SGCZ: variants seen among roughly 807,000 people sequenced by gnomAD.
The protein encoded by SGCZ is zeta-sarcoglycan.
SGCZ carries 40 observed loss-of-function variants against 41.3 expected under a neutral mutation model. The observed-to-expected ratio is 0.97, with a 90% confidence interval of 0.75 to 1.26. The LOEUF is 1.26. Among genes scored for constraint, SGCZ ranks in the 50% most tolerant of loss-of-function variants. SGCZ has a pLI of 0.00. For synonymous variants in SGCZ, 206 were observed against 137.5 expected, an observed-to-expected ratio of 1.50 and a Z score of -3.49; for missense variants, 552 against 369.8, an observed-to-expected ratio of 1.49 and a Z score of -4.04.
chr8:14,857,761 G>T (rs531938556), intron 1 of SGCZ, among the ~76,000 whole-genome samples: 1 of 152,256 alleles, frequency 6.6e-6, no homozygotes, highest in South Asian at 2.1e-4. Flanking sequence ...ACCTACTTGG[G>T]AGGCTCAGGC....
At chr8:14,632,915 A>G (rs1422572265) in intron 1 of SGCZ, among the ~76,000 whole-genome samples, 1 of 152,044 alleles carries the variant, frequency 6.6e-6, no homozygotes, top group African/African-American at 2.4e-5. Flanking sequence ...AATGATCACT[A>G]TGTAAGCAAA....
chr8:14,280,163 G>C (rs987235549), intron 3 of SGCZ, among the ~76,000 whole-genome samples: 2 of 151,818 alleles, frequency 1.3e-5, no homozygotes, highest in African/African-American at 4.8e-5. Context: ...TTCCATCACT[G>C]TCAATTATAA....
chr8:14,607,760 A>G (rs997057233), intron 1 of SGCZ, among the ~76,000 whole-genome samples: 1 of 152,248 alleles, frequency 6.6e-6, no homozygotes, highest in African/African-American at 2.4e-5. Flanking sequence ...CAAGGTTTTC[A>G]GCTCCTCTGG....
In SGCZ at chr8:14,424,346, A is replaced by G. The variant is rs142587840; in HGVS notation, c.235-100142T>C. 5.8e-3 allele frequency among the ~76,000 whole-genome samples: 878 copies of G among 152,260 alleles called. 11 individuals are homozygous for G. The highest frequency in any genetic ancestry group is 0.02 in the African/African-American group (812 of 41,558). ...CAAGTATTATGGATTAAAAAACACA[A>G]TATATCCAAAGCTTTCAAAGAGGTG... is the stretch of plus-strand genomic sequence containing the variant. On this transcript the variant is annotated intron_variant, in intron 2 of 7. Transcript: ENST00000382080.
chr8:14,627,718 G>A (rs770004336), intron 1 of SGCZ, among the ~76,000 whole-genome samples: 1 of 151,396 alleles, frequency 6.6e-6, no homozygotes, highest in Non-Finnish European at 1.5e-5. Context: ...GATCTGTATA[G>A]GAAAAACATA....
chr8:14,375,572 AT>A, intron 2 of SGCZ, among the ~76,000 whole-genome samples: 1 of 152,312 alleles, frequency 6.6e-6, no homozygotes, highest in Middle Eastern at 3.4e-3. Context: ...TAATAACAGA[AT>A]TTTTAAAAGA....
At chr8:15,156,944 C>CAAAAAAA (rs1204736250) in intron 1 of SGCZ, among the ~76,000 whole-genome samples, 4 of 89,906 alleles carry the variant, frequency 4.4e-5, no homozygotes, top group South Asian at 3.3e-4. Flanking sequence ...AACTCTGTCT[C>CAAAAAAA]AAAAAAAAAA....
At chr8:14,104,718 C>T (rs950608003) in intron 6 of SGCZ, among the ~76,000 whole-genome samples, 1 of 151,906 alleles carries the variant, frequency 6.6e-6, no homozygotes, top group Admixed American at 6.6e-5. Flanking sequence ...GAGTTTTTTT[C>T]CTTGAATATA....
At chr8:14,605,984 A>AG (rs36122313) in intron 1 of SGCZ, among the ~76,000 whole-genome samples, 24,017 of 152,078 alleles carry the variant, frequency 0.16, 2,340 homozygotes, top group Non-Finnish European at 0.21. Flanking sequence ...ATAATATGCC[A>AG]AAAACTGATA....
chr8:14,650,109 G>A (rs1445749918), intron 1 of SGCZ, among the ~76,000 whole-genome samples: 8 of 152,120 alleles, frequency 5.3e-5, no homozygotes, highest in Non-Finnish European at 8.8e-5. Flanking sequence ...AGACATAGAC[G>A]CAATTTAAAA....
intron 4 of SGCZ, among the ~76,000 whole-genome samples, chr8:14,194,705 T>C (rs554205318): frequency 3.0e-4 from 46 of 152,126 alleles, no homozygotes; most frequent in African/African-American, 1.1e-3. Context: ...TTCAAGACAT[T>C]GAACATCAGT....
At chr8:14,948,458 C>G (rs1034223046) in intron 1 of SGCZ, among the ~76,000 whole-genome samples, 3 of 149,184 alleles carry the variant, frequency 2.0e-5, no homozygotes, top group South Asian at 2.2e-4. Context: ...TCACACTCAT[C>G]TGTCTTATCT....
At chr8:14,376,286 G>A (rs924996992) in intron 2 of SGCZ, among the ~76,000 whole-genome samples, 1 of 151,834 alleles carries the variant, frequency 6.6e-6, no homozygotes, top group Non-Finnish European at 1.5e-5. Context: ...ACTCTAGCCT[G>A]GGCAACAGAG....
intron 1 of SGCZ, among the ~76,000 whole-genome samples, chr8:14,855,569 C>A (rs994841327): frequency 1.3e-5 from 2 of 152,130 alleles, no homozygotes. Context: ...CTAGGCATCC[C>A]TTCTAGCCAC....
intron 1 of SGCZ, among the ~76,000 whole-genome samples, chr8:14,956,039 C>CTTTTTT (rs71884770): frequency 8.3e-5 from 10 of 120,192 alleles, no homozygotes; most frequent in East Asian, 2.3e-4. Flanking sequence ...ACTACTTTTA[C>CTTTTTT]TTTTTTTTTT....
chr8:14,563,236 G>T lies in SGCZ; in HGVS notation c.40-8310C>A, dbSNP rs181948510. ...TAGGATACCTGCAAGTAAAAGTACA[G>T]TCTTCACCTTTTCTACTCCAAGAGT... is the stretch of plus-strand genomic sequence containing the variant. On this transcript the variant is annotated intron_variant, in intron 1 of 7. Coordinates refer to ENST00000382080, the MANE Select transcript of SGCZ (RefSeq NM_139167.4). Among the ~76,000 whole-genome samples the T allele has an allele frequency of 7.2e-5, 11 of 152,248 alleles. No homozygotes were observed. The East Asian group carries it at 1.7e-3, about 24-fold the overall frequency.
chr8:14,098,659 A>T (rs1189454554), intron 7 of SGCZ, among the ~76,000 whole-genome samples: 1 of 152,172 alleles, frequency 6.6e-6, no homozygotes, highest in Non-Finnish European at 1.5e-5. Context: ...TTCACCTTGA[A>T]GAAATATTAA....
At chr8:14,632,393 G>C (rs1211340479) in intron 1 of SGCZ, among the ~76,000 whole-genome samples, 2 of 151,986 alleles carry the variant, frequency 1.3e-5, no homozygotes, top group Non-Finnish European at 2.9e-5. Context: ...AAAATGTATA[G>C]AGAGATAAGC....
chr8:14,349,503 G>T lies in SGCZ; in HGVS notation c.235-25299C>A, dbSNP rs1055987557. 2.6e-5 allele frequency among the ~76,000 whole-genome samples: 4 copies of T among 152,070 alleles called. No homozygotes were observed. In the East Asian group the frequency reaches 7.7e-4, roughly 29 times the overall value. On this transcript the variant is annotated intron_variant, in intron 2 of 7. Coordinates refer to ENST00000382080, the MANE Select transcript of SGCZ (RefSeq NM_139167.4). ...CCATGGAATTTTCGTAAGCAATAAG[G>T]CATGTGTCAATTTAGGATTTTTAAG...
Sources: allele counts gnomAD v4.1 joint callset (sites outside exome capture counted in the v4.1 genomes callset), GRCh38; gene constraint gnomAD v4.1.1; transcripts MANE v1.5; gene names NCBI Gene and HGNC (gene_info 2026-07-23, HGNC 2026-07-21).